The following STS variants were observed in gnomAD, a reference collection of about 807,000 sequenced individuals.
STS encodes steryl-sulfatase.
A neutral mutation model predicts 26.8 loss-of-function variants in STS; 7 were observed. The ratio of observed to expected loss-of-function variants is 0.26; its 90% CI spans 0.15 to 0.49. STS has a LOEUF of 0.49. STS is among the 20% of genes least tolerant of loss of function. STS has a pLI of 0.98. For missense variants in STS, 434 were observed against 465.6 expected, an observed-to-expected ratio of 0.93 and a Z score of 0.63; for synonymous variants, 199 against 189.4, an observed-to-expected ratio of 1.05 and a Z score of -0.42.
At chrX:7,215,059 A>ATG (rs1428144261) in intron 2 of STS, among the ~76,000 whole-genome samples, 3 of 92,027 alleles carry the variant, frequency 3.3e-5, no homozygotes, top group African/African-American at 8.0e-5. Context: ...ATACGTATAT[A>ATG]TGTATATATA....
rs747592165 is a variant in STS at position 7,259,385 on chromosome X, C to T, written c.419C>T (p.Thr140Ile). 3 of 1,209,619 alleles carry T rather than the reference C, an allele frequency of 2.5e-6. No individual in the cohort carries two copies. The highest frequency in any genetic ancestry group is 3.4e-6 in the Non-Finnish European group (3 of 895,032). Reference sequence around the variant, plus strand: ...CTTGGGATGAGCTGTCACAGCAAGACTGACTTCTGTCACCACCCTTTACAT... The same window carrying T: ...CTTGGGATGAGCTGTCACAGCAAGATTGACTTCTGTCACCACCCTTTACAT... ...WHLGMSCHSKTDFCHHPLHHG... is the reference protein window; with the variant it reads ...WHLGMSCHSKIDFCHHPLHHG... Residue 140 changes from threonine (T) to isoleucine (I), a missense_variant, in exon 6 of 11, where the codon ACT (threonine) becomes ATT (isoleucine). Around this residue, in one of 2 missense-constraint regions of STS, gnomAD observed 229 missense variants for 288.3 expected, o/e 0.79. Transcript: ENST00000674429.
intron 7 of STS, among the ~76,000 whole-genome samples, chrX:7,281,709 G>A (rs945136295): frequency 2.1e-4 from 23 of 112,070 alleles, no homozygotes; most frequent in African/African-American, 7.5e-4. Context: ...GGGAACCATA[G>A]GTATTGGTCT....
chrX:7,255,332 T>C (rs895061941), intron 3 of STS, among the ~76,000 whole-genome samples: 7 of 112,367 alleles, frequency 6.2e-5, no homozygotes, highest in Admixed American at 5.7e-4. Flanking sequence ...GATCACTTTA[T>C]ACATTTGTGA....
chrX:7,265,072 A>G (rs1923940772), intron 6 of STS, among the ~76,000 whole-genome samples: 1 of 101,796 alleles, frequency 9.8e-6, no homozygotes, highest in Non-Finnish European at 2.0e-5. Context: ...AATTAATTTC[A>G]TGATGTATCA....
chrX:7,150,894 T>C (rs1932999194), intron 1 of STS, among the ~76,000 whole-genome samples: 1 of 112,476 alleles, frequency 8.9e-6, no homozygotes, highest in Non-Finnish European at 1.9e-5. Flanking sequence ...ATGGGCAGTT[T>C]CTATGCTGAT....
intron 2 of STS, among the ~76,000 whole-genome samples, chrX:7,246,322 G>T (rs1165316108): frequency 9.4e-6 from 1 of 106,917 alleles, no homozygotes; most frequent in Non-Finnish European, 1.9e-5. Flanking sequence ...AGTGCAGTGA[G>T]ACGGAGTCTC....
intron 1 of STS, among the ~76,000 whole-genome samples, chrX:7,161,035 A>G (rs766721294): frequency 9.0e-6 from 1 of 111,286 alleles, no homozygotes; most frequent in Non-Finnish European, 1.9e-5. Context: ...AGCTTACCAC[A>G]ACCTCCACCT....
intron 9 of STS, among the ~76,000 whole-genome samples, chrX:7,329,379 G>A (rs1376950619): frequency 1.8e-5 from 2 of 111,970 alleles, no homozygotes; most frequent in African/African-American, 6.5e-5. Flanking sequence ...CGGTGCTGAC[G>A]TCGAGAAATC....
chrX:7,293,125 A>G (rs1252079944), intron 7 of STS, among the ~76,000 whole-genome samples: 4 of 111,875 alleles, frequency 3.6e-5, no homozygotes, highest in Middle Eastern at 4.6e-3. Context: ...GTTCAATGCA[A>G]CAAGCCTCAT....
chrX:7,219,197 C>T lies in STS; in HGVS notation c.-5+28189C>T, dbSNP rs142448158. On this transcript the variant is annotated intron_variant, in intron 2 of 10. Coordinates refer to ENST00000674429, the MANE Select transcript of STS (RefSeq NM_001320752.2). ...GAGGGGGGAAAATCCCTTAAACTCC[C>T]GTTCAGTCTCTTATCTGACCATCTC... Among the ~76,000 whole-genome samples, 2,696 of 112,039 alleles carry T rather than the reference C, an allele frequency of 0.024. 51 individuals carry two copies. Among genetic ancestry groups the T allele is most frequent in the African/African-American group, 0.053 (1,623 of 30,811 alleles).
intron 5 of STS, among the ~76,000 whole-genome samples, chrX:7,258,421 TAGAA>T (rs1318746519): frequency 9.0e-5 from 10 of 111,685 alleles, no homozygotes; most frequent in African/African-American, 3.2e-4. Flanking sequence ...GACATATACA[TAGAA>T]AGAATATACA....
At chrX:7,244,927 C>A (rs1178991429) in intron 2 of STS, among the ~76,000 whole-genome samples, 1 of 111,795 alleles carries the variant, frequency 8.9e-6, no homozygotes, top group Non-Finnish European at 1.9e-5. Context: ...AGTTACAGTG[C>A]TTGGTACATA....
intron 2 of STS, among the ~76,000 whole-genome samples, chrX:7,234,202 C>A (rs1922207329): frequency 8.9e-6 from 1 of 112,188 alleles, no homozygotes; most frequent in South Asian, 3.7e-4. Context: ...TGCAAATATA[C>A]AAAACCTATC....
intron 2 of STS, among the ~76,000 whole-genome samples, chrX:7,194,293 C>A (rs73467896): frequency 9.0e-6 from 1 of 110,966 alleles, no homozygotes; most frequent in African/African-American, 3.3e-5. Flanking sequence ...GGTCCAGTGA[C>A]GTCACTTGTT....
At chrX:7,173,697 T>A (rs1244862715) in intron 1 of STS, among the ~76,000 whole-genome samples, 1 of 112,586 alleles carries the variant, frequency 8.9e-6, no homozygotes, top group Non-Finnish European at 1.9e-5. Flanking sequence ...ATCTGTGATG[T>A]TGAGCTTTTT....
intron 7 of STS, 133 bp downstream of exon 7, chrX:7,276,220 C>T (rs765330450): frequency 1.4e-5 from 12 of 837,503 alleles, no homozygotes; most frequent in African/African-American, 1.4e-4. Context: ...TTGAAAGTAA[C>T]CAAAAATGCA....
chrX:7,215,230 A>G (rs1477882563), intron 2 of STS, among the ~76,000 whole-genome samples: 2 of 104,472 alleles, frequency 1.9e-5, no homozygotes, highest in Non-Finnish European at 3.9e-5. Flanking sequence ...GCAATTGCTA[A>G]TTGTGTTGCT....
At chrX:7,153,872 C>T (rs1453993586) in intron 1 of STS, among the ~76,000 whole-genome samples, 1 of 105,372 alleles carries the variant, frequency 9.5e-6, no homozygotes, top group Non-Finnish European at 1.9e-5. Flanking sequence ...GTCTTCCTTC[C>T]TTCCTGTCCT....
At chrX:7,247,107 G>C (rs1922922329) in intron 2 of STS, among the ~76,000 whole-genome samples, 1 of 112,237 alleles carries the variant, frequency 8.9e-6, no homozygotes, top group South Asian at 3.7e-4. Flanking sequence ...AAGTGAATGT[G>C]ACCATCGAAC....
Sources: allele counts gnomAD v4.1 joint callset (sites outside exome capture counted in the v4.1 genomes callset), GRCh38; gene constraint gnomAD v4.1.1; regional missense constraint gnomAD v4.1.1; transcripts MANE v1.5; gene names NCBI Gene and HGNC (gene_info 2026-07-23, HGNC 2026-07-21).